Variants in LDLRAD4 observed in about 807,000 individuals in gnomAD.
LDLRAD4 encodes the protein low density lipoprotein receptor class A domain containing 4.
In LDLRAD4, 5 loss-of-function variants were observed where a neutral mutation model predicts 17.0. The observed-to-expected ratio is 0.29, with a 90% CI of 0.15 to 0.62. LDLRAD4 has a LOEUF of 0.62. Ranked by LOEUF, LDLRAD4 falls within the 20% of genes least tolerant of loss-of-function variation. LDLRAD4 has a pLI of 0.84. For synonymous variants in LDLRAD4, 168 were observed against 171.8 expected (o/e 0.98, Z 0.17); for missense variants, 340 against 424.7 (o/e 0.80, Z 1.75).
rs541858907 is a variant in LDLRAD4 at position 13,388,310 on chromosome 18, C to T, written c.40+548C>T. 1.1e-4 allele frequency among the ~76,000 whole-genome samples: 17 copies of T among 152,306 alleles called. 2 individuals carry two copies. The South Asian group carries it at 2.9e-3, about 26-fold the overall frequency. ...GTTTGTAGGGAACCACACAGTCTGG[C>T]TGGTGCCCAGAGCCCTCGCCCAAGA... On this transcript the variant is annotated intron_variant, in intron 2 of 5. Transcript: ENST00000359446.
chr18:13,507,969 CAGTT>C (rs1220346461), intron 3 of LDLRAD4, among the ~76,000 whole-genome samples: 1 of 149,274 alleles, frequency 6.7e-6, no homozygotes, highest in Non-Finnish European at 1.5e-5. Context: ...TCATGCCAAA[CAGTT>C]AGCCAAGTTA....
chr18:13,424,732 G>C (rs1039393259), intron 2 of LDLRAD4, among the ~76,000 whole-genome samples: 3 of 152,174 alleles, frequency 2.0e-5, no homozygotes, highest in Admixed American at 6.5e-5. Context: ...TGTCACGCAA[G>C]GGAATGAGGA....
chr18:13,442,904 C>T (rs1022545255), intron 3 of LDLRAD4, among the ~76,000 whole-genome samples: 1 of 152,192 alleles, frequency 6.6e-6, no homozygotes. Flanking sequence ...GACAAGAAGC[C>T]ACAACTTTCC....
intron 3 of LDLRAD4, among the ~76,000 whole-genome samples, chr18:13,546,013 C>T (rs757003327): frequency 1.4e-4 from 21 of 152,236 alleles, no homozygotes; most frequent in Non-Finnish European, 2.5e-4. Flanking sequence ...GATCACAGGC[C>T]CATTACCTTC....
chr18:13,623,041 C>A (rs183061526), intron 4 of LDLRAD4, among the ~76,000 whole-genome samples: 2 of 152,212 alleles, frequency 1.3e-5, no homozygotes, highest in Non-Finnish European at 2.9e-5. Flanking sequence ...TGGTGCAGAC[C>A]CAGCCCCGCT....
At position 13,334,791 on chromosome 18, in the gene LDLRAD4, G is replaced by A. The variant is rs538604249; in HGVS notation, c.-382-52550G>A. ...CCTTGTTTCTGATCTTAGCAGGAAA[G>A]TTTCTAGTTTCTCATCATTAAGTAT... On this transcript the variant is annotated intron_variant, in intron 1 of 5. Coordinates refer to ENST00000359446, the Ensembl canonical transcript of LDLRAD4. Among the ~76,000 whole-genome samples, 19 of 152,272 alleles carry A rather than the reference G, an allele frequency of 1.2e-4. No individual in the cohort carries two copies. In the South Asian group the frequency reaches 2.1e-3, roughly 17 times the overall value.
chr18:13,425,566 G>C (rs2145930196), intron 2 of LDLRAD4, among the ~76,000 whole-genome samples: 1 of 152,334 alleles, frequency 6.6e-6, no homozygotes, highest in Admixed American at 6.5e-5. Context: ...CCAGATGAGA[G>C]CTGTGTTCAG....
chr18:13,560,724 G>C (rs150601006), intron 3 of LDLRAD4, among the ~76,000 whole-genome samples: 5 of 152,178 alleles, frequency 3.3e-5, no homozygotes, highest in African/African-American at 1.2e-4. Context: ...CCTTTTCAGC[G>C]TCAGCTTTTT....
chr18:13,485,601 C>T (rs760885910), intron 3 of LDLRAD4, among the ~76,000 whole-genome samples: 16 of 152,220 alleles, frequency 1.1e-4, no homozygotes, highest in Admixed American at 3.3e-4. Context: ...GGGCCCGGGG[C>T]GTGGCCTGGG....
At chr18:13,643,616 T>C (rs2042813902) in intron 5 of LDLRAD4, among the ~76,000 whole-genome samples, 2 of 152,382 alleles carry the variant, frequency 1.3e-5, no homozygotes, top group African/African-American at 4.8e-5. Flanking sequence ...CCTGCTAGTC[T>C]AAAGCTCCTT....
intron 3 of LDLRAD4, among the ~76,000 whole-genome samples, chr18:13,599,781 G>A (rs964808045): frequency 5.3e-5 from 8 of 151,966 alleles, no homozygotes; most frequent in Admixed American, 6.6e-5. Flanking sequence ...ATGAGCCACC[G>A]CACCCGGCCG....
chr18:13,555,618 A>G (rs548193780), intron 3 of LDLRAD4, among the ~76,000 whole-genome samples: 1 of 152,366 alleles, frequency 6.6e-6, no homozygotes, highest in Admixed American at 6.5e-5. Flanking sequence ...CCTATAAGGC[A>G]TATAGCAGTT....
chr18:13,221,886 G>A (rs887850746), intron 1 of LDLRAD4, among the ~76,000 whole-genome samples: 9 of 152,222 alleles, frequency 5.9e-5, no homozygotes, highest in Admixed American at 5.9e-4. Context: ...TGGCAGCTGC[G>A]AGCTTTCCCG....
At chr18:13,636,387 T>C in intron 4 of LDLRAD4, among the ~76,000 whole-genome samples, 1 of 151,444 alleles carries the variant, frequency 6.6e-6, no homozygotes, top group East Asian at 1.9e-4. Context: ...TGTTCAACGG[T>C]CCACTGTATT....
chr18:13,486,117 TGAGG>T (rs950597158), intron 3 of LDLRAD4, among the ~76,000 whole-genome samples: 2 of 152,192 alleles, frequency 1.3e-5, no homozygotes, highest in African/African-American at 4.8e-5. Flanking sequence ...TATCAAGAAC[TGAGG>T]ATTCTAGAAA....
intron 4 of LDLRAD4, 26 bp from the exon 6 acceptor site, chr18:13,643,333 A>G (rs566724925): frequency 1.4e-6 from 2 of 1,443,044 alleles, no homozygotes; most frequent in African/African-American, 1.5e-5. Flanking sequence ...TGTTCCCCCC[A>G]CTCTCCTCCC....
chr18:13,565,722 T>C (rs2094591990), intron 3 of LDLRAD4, among the ~76,000 whole-genome samples: 2 of 152,220 alleles, frequency 1.3e-5, no homozygotes, highest in Non-Finnish European at 2.9e-5. Flanking sequence ...ATGGGTGTGC[T>C]CAATGGTGGC....
intron 3 of LDLRAD4, among the ~76,000 whole-genome samples, chr18:13,507,482 A>G (rs2093713284): frequency 6.6e-6 from 1 of 152,226 alleles, no homozygotes; most frequent in South Asian, 2.1e-4. Context: ...TTGCTGCAAA[A>G]GACATTATTT....
At chr18:13,526,405 T>G (rs768719971) in intron 3 of LDLRAD4, 15 of 152,202 alleles carry the variant, frequency 9.9e-5, no homozygotes, top group Non-Finnish European at 1.8e-4. Context: ...AAAAGAGATG[T>G]GTCTGTAAGA....
Sources: gnomAD v4.1 joint callset for allele counts (sites outside exome capture counted in the v4.1 genomes callset) on GRCh38, gnomAD v4.1.1 for gene constraint, MANE v1.5 for transcripts, NCBI Gene and HGNC (gene_info 2026-07-23, HGNC 2026-07-21) for gene names.